The following ZNF225 variants were observed in gnomAD, a reference collection of about 807,000 sequenced individuals.
The protein encoded by ZNF225 is zinc finger protein 225.
Under a neutral mutation model 12.0 loss-of-function variants are expected in ZNF225, and 6 were observed. That is an observed-to-expected ratio of 0.50 (90% confidence interval 0.27 to 0.98). ZNF225 has a LOEUF of 0.98. Among genes scored for constraint, ZNF225 ranks in the 50% least tolerant of loss-of-function variants. ZNF225 has a pLI of 0.11. For missense variants in ZNF225, 763 were observed against 848.2 expected, an observed-to-expected ratio of 0.90 and a Z score of 1.25; for synonymous variants, 271 against 283.2, an observed-to-expected ratio of 0.96 and a Z score of 0.43.
intron 4 of ZNF225, 137 bp downstream of exon 4, chr19:44,118,711 T>C: frequency 1.2e-6 from 1 of 862,022 alleles, no homozygotes; most frequent in Non-Finnish European, 1.7e-6. Flanking sequence ...TTCGGCTGGT[T>C]TCCCTGCTCC....
chr19:44,124,052 G>A (rs12610552), intron 4 of ZNF225, among the ~76,000 whole-genome samples: 13,067 of 151,698 alleles, frequency 0.086, 668 homozygotes, highest in Middle Eastern at 0.19. Flanking sequence ...TTCTTCTGCT[G>A]GGTTTGGGTT....
rs1968239313 is a variant in ZNF225 at position 44,130,976 on chromosome 19, G to A, written c.362G>A (p.Ser121Asn). The change falls in exon 5 of 5, where the codon AGC (serine) becomes AAC (asparagine). Residue 121 changes from serine to asparagine, a missense_variant. Coordinates refer to ENST00000262894, the MANE Select transcript of ZNF225 (RefSeq NM_013362.4). ...LTRFQDSMVNSFQFSKQDDMP... is the reference protein window; with the variant it reads ...LTRFQDSMVNNFQFSKQDDMP... ...AGGTTTCAAGACTCCATGGTAAACA[G>A]CTTTCAGTTCTCCAAACAAGATGAT... 3.7e-6 allele frequency: 6 copies of A among 1,614,028 alleles called. No homozygotes were observed. In the East Asian group the frequency reaches 1.3e-4, roughly 36 times the overall value.
upstream of ZNF225, among the ~76,000 whole-genome samples, chr19:44,111,668 T>G (rs944462197): frequency 2.6e-5 from 4 of 152,250 alleles, no homozygotes; most frequent in Non-Finnish European, 5.9e-5. Flanking sequence ...AAAAATATTA[T>G]GCTAAGCAAA....
Position 44,130,959 on chromosome 19 carries a change from A to C in ZNF225, c.345A>C (p.Gln115His), listed in dbSNP as rs1457942778. 1.2e-5 allele frequency: 20 copies of C among 1,614,106 alleles called. No individual in the cohort carries two copies. Among genetic ancestry groups the C allele is most frequent in the Non-Finnish European group, 1.7e-5 (20 of 1,179,990 alleles). Residue 115 changes from glutamine to histidine, a missense_variant, in exon 5 of 5, where the codon CAA (glutamine) becomes CAC (histidine). Coordinates refer to ENST00000262894, the MANE Select transcript of ZNF225 (RefSeq NM_013362.4). The part of the protein sequence containing the change: ...EQISSDLTRF[Q>H]DSMVNSFQFS... ...TTTCAAGTGACTTAACCAGGTTTCA[A>C]GACTCCATGGTAAACAGCTTTCAGT...
At chr19:44,115,049 A>G (rs1750608011) in intron 1 of ZNF225, among the ~76,000 whole-genome samples, 1 of 152,186 alleles carries the variant, frequency 6.6e-6, no homozygotes, top group African/African-American at 2.4e-5. Flanking sequence ...ATTAGTGCAC[A>G]TTCTACTGTA....
intron 4 of ZNF225, 175 bp from the exon 5 acceptor site, chr19:44,130,675 T>C: frequency 2.9e-6 from 1 of 349,210 alleles, no homozygotes; most frequent in Non-Finnish European, 4.8e-6. Context: ...CACTCCAGCC[T>C]GGGGGACAGA....
chr19:44,119,281 G>A (rs1424394794), intron 4 of ZNF225, among the ~76,000 whole-genome samples: 2 of 152,088 alleles, frequency 1.3e-5, no homozygotes, highest in African/African-American at 4.8e-5. Flanking sequence ...GACCTGCCAA[G>A]GACACTGTAT....
rs781721021 is a variant in ZNF225 at position 44,132,457 on chromosome 19, CAG to C, written c.1846_1847del (p.Arg616GlyfsTer11). On this transcript the variant is annotated frameshift_variant, in exon 5 of 5. Coordinates refer to ENST00000262894, the MANE Select transcript of ZNF225 (RefSeq NM_013362.4). LOFTEE classifies it low-confidence loss of function (END_TRUNC). ...FTENSQLHSHQRVHTGEKPYK... is the reference protein window; with the variant it reads ...FTENSQLHSHXRVHTGEKPYK... ...TGAGAATTCACAGCTTCATTCCCATCAGAGGGTTCACACTGGGGAAAAGCCAT... is the reference window on the plus strand; with the variant it reads ...TGAGAATTCACAGCTTCATTCCCATCAGGGTTCACACTGGGGAAAAGCCAT... 1 of 1,614,120 alleles carries C rather than the reference CAG, an allele frequency of 6.2e-7. No individual in the cohort carries two copies. Among genetic ancestry groups the C allele is most frequent in the African/African-American group, 1.3e-5 (1 of 75,018 alleles).
intron 4 of ZNF225, among the ~76,000 whole-genome samples, chr19:44,127,725 G>A (rs1410514831): frequency 3.3e-5 from 5 of 152,032 alleles, no homozygotes; most frequent in South Asian, 2.1e-4. Flanking sequence ...TCGGCTCACT[G>A]TAGCCTCCGT....
Position 44,132,760 on chromosome 19 carries a change from A to G in ZNF225, c.*25A>G. The G allele has an allele frequency of 8.6e-6, 13 of 1,503,322 alleles. No homozygotes were observed. The highest frequency in any genetic ancestry group is 1.2e-5 in the Non-Finnish European group (13 of 1,122,374). 93.1% of individuals were successfully genotyped at this position (1,503,322 alleles called of 1,614,324 possible). On this transcript the variant is annotated 3_prime_UTR_variant, in exon 5 of 5. Transcript: ENST00000262894. Reference sequence around the variant, plus strand: ...ACTGTTGTACTCATTTATGGGGTACAGTGTGATAGTTAATGCAAGTATACA... The same window carrying G: ...ACTGTTGTACTCATTTATGGGGTACGGTGTGATAGTTAATGCAAGTATACA...
chr19:44,126,238 G>T, intron 4 of ZNF225, among the ~76,000 whole-genome samples: 1 of 152,198 alleles, frequency 6.6e-6, no homozygotes, highest in South Asian at 2.1e-4. Flanking sequence ...GTGTTCCCTT[G>T]ATGTAGTACT....
In ZNF225 at chr19:44,131,767, T is replaced by C; in HGVS notation, c.1153T>C (p.Ser385Pro). The change falls in exon 5 of 5, where the codon TCA becomes CCA. Residue 385 changes from serine (S) to proline (P), a missense_variant. By Grantham distance (74) the Ser-to-Pro change is moderately conservative. Transcript: ENST00000262894. ...KECGKSFRWASGLSRHVRVHS... is the reference protein window; with the variant it reads ...KECGKSFRWAPGLSRHVRVHS... ...ATGTGGAAAGAGCTTCAGATGGGCC[T>C]CAGGTCTTTCAAGACATGTGCGAGT... is the stretch of plus-strand genomic sequence containing the variant. 1 of 1,614,204 alleles carries C rather than the reference T, an allele frequency of 6.2e-7. No homozygotes were observed. The highest frequency in any genetic ancestry group is 8.5e-7 in the Non-Finnish European group (1 of 1,180,032).
At chr19:44,116,437 G>A (rs1393173144) in intron 2 of ZNF225, among the ~76,000 whole-genome samples, 9 of 152,210 alleles carry the variant, frequency 5.9e-5, no homozygotes, top group Admixed American at 5.2e-4. Context: ...GATGCACCCA[G>A]TGCTCCAGGC....
At chr19:44,118,776 G>A (rs954692176) in intron 4 of ZNF225, among the ~76,000 whole-genome samples, 1 of 151,546 alleles carries the variant, frequency 6.6e-6, no homozygotes. Context: ...TATTCCTTAG[G>A]AAAGTCAGAC....
rs1484011197 is a variant in ZNF225 at position 44,132,132 on chromosome 19, C to T, written c.1518C>T (p.His506=). Residue 506 remains histidine (H), a synonymous_variant, in exon 5 of 5, where the codon CAC becomes CAT. Coordinates refer to ENST00000262894, the MANE Select transcript of ZNF225 (RefSeq NM_013362.4). ...NSQLYTHRRV[H]SGEKPFKCEE... ...AACTTTATACCCATCGTAGAGTCCA[C>T]AGTGGAGAAAAACCATTCAAATGTG... The T allele has an allele frequency of 1.2e-6, 2 of 1,614,132 alleles. No homozygotes were observed. Among genetic ancestry groups the T allele is most frequent in the Non-Finnish European group, 8.5e-7 (1 of 1,180,002 alleles).
chr19:44,132,247 T>C lies in ZNF225; in HGVS notation c.1633T>C (p.Cys545Arg). ...AGTAAAGCCATACAAATGTGAAGAG[T>C]GTGGGAAGGGCTTCAACAGTAAGTT... ...TGVKPYKCEE[C>R]GKGFNSKFNL... The change falls in exon 5 of 5, where the codon TGT (cysteine) becomes CGT (arginine). Residue 545 changes from cysteine to arginine, a missense_variant. Physicochemically the swap from Cys to Arg is radical, Grantham distance 180. Coordinates refer to ENST00000262894, the MANE Select transcript of ZNF225 (RefSeq NM_013362.4). 6.2e-6 allele frequency: 10 copies of C among 1,613,608 alleles called. No individual in the cohort carries two copies. Among genetic ancestry groups the C allele is most frequent in the Non-Finnish European group, 8.5e-6 (10 of 1,179,950 alleles).
intron 2 of ZNF225, 93 bp downstream of exon 2, chr19:44,115,935 C>T (rs1967934053): frequency 7.6e-7 from 1 of 1,322,794 alleles, no homozygotes; most frequent in Non-Finnish European, 1.0e-6. Context: ...GATTTTGGCT[C>T]ATTGCAACCT....
chr19:44,113,738 C>T (rs1568535994), intron 1 of ZNF225, among the ~76,000 whole-genome samples, 169 bp downstream of exon 1: 1 of 152,014 alleles, frequency 6.6e-6, no homozygotes, highest in Non-Finnish European at 1.5e-5. Context: ...GCACCCCACG[C>T]GCGTGGCCAC....
chr19:44,111,450 C>T (rs970799169), upstream of ZNF225, among the ~76,000 whole-genome samples: 6 of 152,108 alleles, frequency 3.9e-5, no homozygotes, highest in African/African-American at 1.4e-4. Context: ...AAAAAACAAA[C>T]AAAAAACAAC....
Sources: gnomAD v4.1 joint callset for allele counts (sites outside exome capture counted in the v4.1 genomes callset) on GRCh38, gnomAD v4.1.1 for gene constraint, MANE v1.5 for transcripts, NCBI Gene and HGNC (gene_info 2026-07-23, HGNC 2026-07-21) for gene names.